Variants in LRRK1 observed in about 807,000 individuals in gnomAD.
LRRK1 encodes the protein leucine-rich repeat serine/threonine-protein kinase 1.
In LRRK1, 113 loss-of-function variants were observed where a neutral mutation model predicts 209.1. The ratio of observed to expected loss-of-function variants is 0.54; its 90% CI spans 0.46 to 0.63. LRRK1 has a LOEUF of 0.63. LRRK1 is among the 30% of genes least tolerant of loss of function. LRRK1 has a pLI of 0.00. For synonymous variants in LRRK1, 1,144 were observed against 1,099.7 expected, an observed-to-expected ratio of 1.04 and a Z score of -0.80; for missense variants, 2,284 against 2,632.2, an observed-to-expected ratio of 0.87 and a Z score of 2.89.
Position 101,062,432 on chromosome 15 carries a change from C to G in LRRK1, c.4798-142C>G, listed in dbSNP as rs1477466231. 1.4e-5 allele frequency: 9 copies of G among 630,936 alleles called. No homozygotes were observed. The South Asian group carries it at 1.6e-4, about 11-fold the overall frequency. The allele number at this position is 630,936 out of a possible 1,614,324, so 39.1% of individuals were successfully genotyped here. On this transcript the variant is annotated intron_variant, in intron 30 of 33. Coordinates refer to ENST00000388948, the MANE Select transcript of LRRK1 (RefSeq NM_024652.6). ...ACAAAGAGCAGAAATCCATAAACAA[C>G]CCACCAGAACGTGTCAATCCATGTA...
chr15:100,955,623 T>G (rs2042737256), intron 2 of LRRK1, among the ~76,000 whole-genome samples: 1 of 152,252 alleles, frequency 6.6e-6, no homozygotes, highest in Admixed American at 6.5e-5. Context: ...AGCTGTAGGC[T>G]TGTTTTATAT....
intron 2 of LRRK1, among the ~76,000 whole-genome samples, chr15:100,931,654 G>A (rs2042214364): frequency 1.3e-5 from 2 of 152,156 alleles, no homozygotes; most frequent in African/African-American, 4.8e-5. Flanking sequence ...GGCGCGGGAG[G>A]CCAGGGCAGG....
Position 100,924,709 on chromosome 15 carries a change from G to A in LRRK1, c.77G>A (p.Arg26His), listed in dbSNP as rs756110175. ...GAGGAGTCAGCTGTGTGTCCAGAAC[G>A]TGCCATGGAGACGCTTAACGGTAAG... is the stretch of plus-strand genomic sequence containing the variant. ...GPEESAVCPE[R>H]AMETLNGAGD... is the part of the protein sequence containing the mutation. The change falls in exon 2 of 34, where the codon CGT becomes CAT. Residue 26 changes from arginine (R) to histidine (H), a missense_variant. This residue lies in a region of LRRK1 where 174 missense variants were observed against 133.5 expected (regional missense o/e 1.30). Coordinates refer to ENST00000388948, the MANE Select transcript of LRRK1 (RefSeq NM_024652.6). 23 of 1,614,020 alleles carry A rather than the reference G, an allele frequency of 1.4e-5. No homozygotes were observed. The highest frequency in any genetic ancestry group is 4.4e-5 in the South Asian group (4 of 91,086).
At chr15:100,954,354 T>C (rs201704612) in intron 2 of LRRK1, among the ~76,000 whole-genome samples, 1 of 538 alleles carries the variant, frequency 1.9e-3, no homozygotes. Context: ...GTTATTTAGC[T>C]TTTTTTGCTA....
In LRRK1 at chr15:101,029,167, G is replaced by A. The variant is rs761012964; in HGVS notation, c.2898G>A (p.Gln966=). The change falls in exon 20 of 34, where the codon CAG becomes CAA. Residue 966 remains glutamine, a synonymous_variant. Coordinates refer to ENST00000388948, the MANE Select transcript of LRRK1 (RefSeq NM_024652.6). ...TGGTGGGGACTGGCTTCACGCAGCAGACGGAAGAGCAGTACTTCCAGTTCC... is the reference window on the plus strand; with the variant it reads ...TGGTGGGGACTGGCTTCACGCAGCAAACGGAAGAGCAGTACTTCCAGTTCC... ...MLLVGTGFTQ[Q]TEEQYFQFLA... is the part of the protein sequence containing the mutation. The A allele has an allele frequency of 5.0e-6, 8 of 1,613,990 alleles. No individual in the cohort carries two copies. The highest frequency in any genetic ancestry group is 6.8e-6 in the Non-Finnish European group (8 of 1,179,960).
intron 4 of LRRK1, among the ~76,000 whole-genome samples, chr15:100,987,873 G>A (rs571953994): frequency 6.6e-6 from 1 of 152,320 alleles, no homozygotes; most frequent in African/African-American, 2.4e-5. Context: ...GGGGAGGGGT[G>A]AGGGCAGGGG....
At chr15:100,925,804 A>G (rs1199905705) in intron 2 of LRRK1, among the ~76,000 whole-genome samples, 1 of 152,224 alleles carries the variant, frequency 6.6e-6, no homozygotes, top group Non-Finnish European at 1.5e-5. Context: ...GGGTAAGAGA[A>G]GCCTGGAAAC....
In LRRK1 at chr15:101,024,641, G is replaced by C. The variant is rs553470008; in HGVS notation, c.2068-162G>C. Among the ~76,000 whole-genome samples the C allele has an allele frequency of 6.6e-6, 1 of 152,236 alleles. No individual in the cohort carries two copies. The highest frequency in any genetic ancestry group is 6.5e-5 in the Admixed American group (1 of 15,284). On this transcript the variant is annotated intron_variant, in intron 15 of 33. Transcript: ENST00000388948. This position sits in a 1 kb window ranked among gnomAD's most constrained non-coding sequence, Gnocchi z 4.6. Reference sequence around the variant, plus strand: ...CCACCGGGCCCCTGTCCCTCGCCCAGATAACTGTTTCCTAAGAAACAATAG... The same window carrying C: ...CCACCGGGCCCCTGTCCCTCGCCCACATAACTGTTTCCTAAGAAACAATAG...
rs539343870 is a variant in LRRK1, at chr15:101,021,319, CG to C, written c.1739+139del. The C allele has an allele frequency of 1.6e-3, 1,400 of 901,780 alleles. 20 individuals are homozygous for C. In the East Asian group the frequency reaches 0.021, roughly 13 times the overall value. The allele number at this position is 901,780 out of a possible 1,614,324, so 55.9% of individuals were successfully genotyped here. ...TTCCAAGAAGCAGTAGTGAGATTTT[CG>C]GAACAGGGCTTGATCAAGGAGGTGG... On this transcript the variant is annotated intron_variant, in intron 13 of 33. Transcript: ENST00000388948.
intron 6 of LRRK1, among the ~76,000 whole-genome samples, chr15:101,005,990 T>C (rs7163635): frequency 0.43 from 64,643 of 152,056 alleles, 14,799 homozygotes; most frequent in African/African-American, 0.6. Flanking sequence ...GCTAAACCCA[T>C]GGGGCAAAAG....
chr15:100,996,727 C>G (rs568661783), intron 6 of LRRK1, among the ~76,000 whole-genome samples: 1 of 152,204 alleles, frequency 6.6e-6, no homozygotes, highest in African/African-American at 2.4e-5. Context: ...GGGAACAGCG[C>G]GTGGCTTCTC....
intron 2 of LRRK1, among the ~76,000 whole-genome samples, chr15:100,925,175 C>A (rs770362392): frequency 6.6e-5 from 10 of 152,130 alleles, no homozygotes; most frequent in Non-Finnish European, 1.5e-4. Flanking sequence ...GTTTAGGGGA[C>A]TTTGTTTTAA....
At position 101,077,876 on chromosome 15, in the gene LRRK1, CCT is replaced by C. The variant is rs1301327009; in HGVS notation, c.*9029_*9030del. On this transcript the variant is annotated 3_prime_UTR_variant, in exon 34 of 34. Transcript: ENST00000388948. ...GAGCCCAAGCTAAGCCATCGCATCC[CCT>C]GTGACCTGCACGCATATATAAGCCC... 6 of 152,364 alleles carry C rather than the reference CCT, an allele frequency of 3.9e-5. No homozygotes were observed. The highest frequency in any genetic ancestry group is 1.2e-4 in the African/African-American group (5 of 41,536). 9.4% of individuals were successfully genotyped at this position (152,364 alleles called of 1,614,324 possible).
chr15:100,956,458 T>TTTCTTTTCTTTTCTTTC (rs1289894870), intron 2 of LRRK1, among the ~76,000 whole-genome samples: 3 of 123,978 alleles, frequency 2.4e-5, no homozygotes, highest in South Asian at 2.6e-4. Flanking sequence ...TTTTTTTCTT[T>TTTCTTTTCTTTTCTTTC]TTTTTTTTTT....
In LRRK1 at chr15:101,008,876, G is replaced by A; in HGVS notation, c.802G>A (p.Val268Ile). 2 of 1,614,142 alleles carry A rather than the reference G, an allele frequency of 1.2e-6. No individual in the cohort carries two copies. The highest frequency in any genetic ancestry group is 1.7e-6 in the Non-Finnish European group (2 of 1,180,008). Residue 268 changes from valine to isoleucine, a missense_variant, in exon 7 of 34, where the codon GTA becomes ATA. This residue lies in a region of LRRK1 where 494 missense variants were observed against 522.1 expected (regional missense o/e 0.95). Transcript: ENST00000388948. ...VKWSHLRLPWVDLDWLIDISC... is the reference protein window; with the variant it reads ...VKWSHLRLPWIDLDWLIDISC... ...ATGGTCCCATCTCAGACTGCCCTGG[G>A]TAGACCTAGACTGGCTCATAGACAT...
chr15:100,989,102 A>G, intron 5 of LRRK1, 148 bp from the exon 6 acceptor site: 1 of 778,848 alleles, frequency 1.3e-6, no homozygotes, highest in South Asian at 1.7e-5. Context: ...CCACTAACAG[A>G]AACTTGATGC....
chr15:100,962,812 T>TATATATACAC lies in LRRK1; in HGVS notation c.98-10985_98-10984insCACATATATA, dbSNP rs1474182122. On this transcript the variant is annotated intron_variant, in intron 2 of 33. Coordinates refer to ENST00000388948, the MANE Select transcript of LRRK1 (RefSeq NM_024652.6). ...CATTTTGCATATATATATATATATA[T>TATATATACAC]ATATATATATATTTTTTTTTTTTTT... is the stretch of plus-strand genomic sequence containing the variant. Among the ~76,000 whole-genome samples the TATATATACAC allele has an allele frequency of 4.1e-4, 13 of 31,618 alleles. 2 individuals carry two copies. Among genetic ancestry groups the TATATATACAC allele is most frequent in the Non-Finnish European group, 4.2e-4 (6 of 14,120 alleles). 20.7% of individuals were successfully genotyped at this position (31,618 alleles called of 152,430 possible).
rs1178746323 is a variant in LRRK1 at position 101,024,687 on chromosome 15, G to A, written c.2068-116G>A. The A allele has an allele frequency of 4.5e-6, 5 of 1,120,408 alleles. No homozygotes were observed. Among genetic ancestry groups the A allele is most frequent in the South Asian group, 3.0e-5 (2 of 65,970 alleles). 69.4% of individuals were successfully genotyped at this position (1,120,408 alleles called of 1,614,324 possible). ...AATAGAGTGTCCAGAACTTTTCCAC[G>A]GTTGTTTTTTCAGACCCCCGAGTCC... On this transcript the variant is annotated intron_variant, in intron 15 of 33. Transcript: ENST00000388948. This position sits in a 1 kb window ranked among gnomAD's most constrained non-coding sequence, Gnocchi z 4.6.
At position 101,016,812 on chromosome 15, in the gene LRRK1, C is replaced by T. The variant is rs894853936; in HGVS notation, c.1609+1410C>T. ...TATCTTGCAAAGCCCACATGGATCA[C>T]GGCCGCCTTTGGACCCACAGGCTGA... On this transcript the variant is annotated intron_variant, in intron 12 of 33. Coordinates refer to ENST00000388948, the MANE Select transcript of LRRK1 (RefSeq NM_024652.6). 6.6e-4 allele frequency among the ~76,000 whole-genome samples: 100 copies of T among 152,322 alleles called. 1 individual carries two copies. The highest frequency in any genetic ancestry group is 2.2e-4 in the Non-Finnish European group (15 of 68,034).
Sources: allele counts gnomAD v4.1 joint callset (sites outside exome capture counted in the v4.1 genomes callset), GRCh38; gene constraint gnomAD v4.1.1; regional missense constraint gnomAD v4.1.1; non-coding constraint Gnocchi (gnomAD v3.1); transcripts MANE v1.5; gene names NCBI Gene and HGNC (gene_info 2026-07-23, HGNC 2026-07-21).